Variants in SASH1 observed in about 807,000 individuals in gnomAD.
The protein encoded by SASH1 is SAM and SH3 domain containing 1, also known as SAM and SH3 domain-containing protein 1.
In SASH1, 44 loss-of-function variants were observed where a neutral mutation model predicts 125.2. That is an observed-to-expected ratio of 0.35 (90% CI 0.28 to 0.45). The LOEUF (loss-of-function observed/expected upper bound fraction) is 0.45, where lower values mean the gene tolerates loss of function less well. Among genes scored for constraint, SASH1 ranks in the 20% least tolerant of loss-of-function variants. The pLI is 1.00. For missense variants in SASH1, 1,426 were observed against 1,614.5 expected (o/e 0.88, Z 2.00); for synonymous variants, 639 against 649.1 (o/e 0.98, Z 0.24).
At chr6:148,374,499 C>T (rs752393851) in intron 1 of SASH1, among the ~76,000 whole-genome samples, 40 of 152,188 alleles carry the variant, frequency 2.6e-4, no homozygotes, top group Non-Finnish European at 5.0e-4. Flanking sequence ...TTCATTCTCA[C>T]AGTAACTGGG....
chr6:148,341,513 G>A (rs904638438), upstream of SASH1, among the ~76,000 whole-genome samples: 1 of 151,956 alleles, frequency 6.6e-6, no homozygotes, highest in African/African-American at 2.4e-5. Flanking sequence ...TATAAATTTA[G>A]TTACTTTTGA....
At chr6:148,242,837 A>G in the SASH1 span, among the ~76,000 whole-genome samples, 2 of 152,216 alleles carry the variant, frequency 1.3e-5, no homozygotes, top group Non-Finnish European at 2.9e-5. Context: ...AAGCCAAAAA[A>G]GGGAAAATCA....
the SASH1 span, among the ~76,000 whole-genome samples, chr6:148,222,170 T>A: frequency 6.6e-6 from 1 of 152,202 alleles, no homozygotes; most frequent in Non-Finnish European, 1.5e-5. Flanking sequence ...TGTATTCCCA[T>A]GCAATGGAGC....
chr6:148,343,948 G>A (rs1484554549), intron 1 of SASH1, among the ~76,000 whole-genome samples: 1 of 152,076 alleles, frequency 6.6e-6, no homozygotes, highest in Non-Finnish European at 1.5e-5. Context: ...AGATGGGCGA[G>A]GTTTATTACA....
the SASH1 span, among the ~76,000 whole-genome samples, chr6:148,198,822 GT>G: frequency 6.6e-6 from 1 of 152,122 alleles, no homozygotes; most frequent in East Asian, 1.9e-4. Flanking sequence ...TCCAGGGACA[GT>G]TTTGTTTTGT....
intron 2 of SASH1, among the ~76,000 whole-genome samples, chr6:148,407,044 G>GT (rs1374429741): frequency 6.6e-6 from 1 of 152,000 alleles, no homozygotes; most frequent in Non-Finnish European, 1.5e-5. Flanking sequence ...TATTATTTTA[G>GT]TTTTTTAAAA....
the SASH1 span, among the ~76,000 whole-genome samples, chr6:148,246,399 A>G: frequency 1.3e-5 from 2 of 152,228 alleles, no homozygotes; most frequent in African/African-American, 4.8e-5. Context: ...GCTTTAAAAC[A>G]AACAGTAGAC....
Position 148,390,152 on chromosome 6 carries a change from A to T in SASH1, c.175A>T (p.Ile59Phe). 6.2e-7 allele frequency: 1 copy of T among 1,613,476 alleles called. No individual in the cohort carries two copies. The highest frequency in any genetic ancestry group is 8.5e-7 in the Non-Finnish European group (1 of 1,179,678). Residue 59 changes from isoleucine to phenylalanine, a missense_variant, in exon 2 of 20, where the codon ATC (isoleucine) becomes TTC (phenylalanine). Ile to Phe is a conservative substitution (Grantham distance 21). This residue lies in a region of SASH1 where 567 missense variants were observed against 575.6 expected (regional missense o/e 0.99). Transcript: ENST00000367467. ...CCTTCAGGACGGTTCACTGGGAAAC[A>T]TCGATGACCTGGCGCAGCAGTATGC... ...MGILDGSLGNIDDLAQQYADY... is the reference protein window; with the variant it reads ...MGILDGSLGNFDDLAQQYADY...
chr6:148,234,409 G>A, the SASH1 span, among the ~76,000 whole-genome samples: 2 of 151,584 alleles, frequency 1.3e-5, no homozygotes, highest in Non-Finnish European at 2.9e-5. Context: ...CTGAATATCC[G>A]TATTTGGCTT....
In SASH1 at chr6:148,533,909, A is replaced by G; in HGVS notation, c.1873A>G (p.Arg625Gly). ...EDEEKPKRPT[R>G]RRRKGRPPQP... ...CGAGGAGAAACCCAAACGCCCCACC[A>G]GGAGGCGTCGGAAAGGACGACCACC... The change falls in exon 15 of 20, where the codon AGG becomes GGG. Residue 625 changes from arginine to glycine, a missense_variant. By Grantham distance (125) the Arg-to-Gly change is moderately radical (BLOSUM62 -2). Around this residue, in one of 3 missense-constraint regions of SASH1, gnomAD observed 225 missense variants for 344.5 expected, o/e 0.65. Coordinates refer to ENST00000367467, the MANE Select transcript of SASH1 (RefSeq NM_015278.5). The surrounding 1 kb of genome is among the most constrained non-coding windows in gnomAD (Gnocchi z 6.2). The G allele has an allele frequency of 6.2e-7, 1 of 1,614,034 alleles. No homozygotes were observed. Among genetic ancestry groups the G allele is most frequent in the Non-Finnish European group, 8.5e-7 (1 of 1,179,926 alleles).
At chr6:148,541,378 A>G (rs1782207389) in intron 17 of SASH1, among the ~76,000 whole-genome samples, 1 of 151,866 alleles carries the variant, frequency 6.6e-6, no homozygotes, top group South Asian at 2.1e-4. Context: ...AGGTCATGAA[A>G]GCAGTTTAGT....
chr6:148,504,074 T>C (rs1300203064), intron 8 of SASH1, among the ~76,000 whole-genome samples: 1 of 152,140 alleles, frequency 6.6e-6, no homozygotes. Context: ...CCAATATATG[T>C]GTGAAGTCCT....
intron 1 of SASH1, among the ~76,000 whole-genome samples, chr6:148,371,410 G>A (rs1424968897): frequency 6.6e-6 from 1 of 151,564 alleles, no homozygotes; most frequent in East Asian, 1.9e-4. Context: ...GCACCCGCCA[G>A]TACACCTAGC....
intron 1 of SASH1, among the ~76,000 whole-genome samples, chr6:148,345,524 T>C (rs1781493898): frequency 6.6e-6 from 1 of 152,170 alleles, no homozygotes; most frequent in Non-Finnish European, 1.5e-5. Flanking sequence ...GATTGTTCCT[T>C]AGTAAAATTC....
chr6:148,425,281 T>G (rs2114958615), intron 2 of SASH1, among the ~76,000 whole-genome samples: 1 of 152,312 alleles, frequency 6.6e-6, no homozygotes, highest in East Asian at 1.9e-4. Flanking sequence ...TTAAACTAGA[T>G]TTAAAATCTG....
At chr6:148,381,097 G>C (rs1293156579) in intron 1 of SASH1, among the ~76,000 whole-genome samples, 1 of 152,184 alleles carries the variant, frequency 6.6e-6, no homozygotes, top group African/African-American at 2.4e-5. Context: ...GAAAATCACT[G>C]TGCTGTGCAG....
At chr6:148,222,778 A>ATCTC in the SASH1 span, among the ~76,000 whole-genome samples, 3,758 of 146,814 alleles carry the variant, frequency 0.026, 69 homozygotes, top group Non-Finnish European at 0.04. Flanking sequence ...TTCCCCTTCG[A>ATCTC]TCTCTCTCTC....
Position 148,544,742 on chromosome 6 carries a change from T to C in SASH1, c.3272T>C (p.Val1091Ala), listed in dbSNP as rs747503307. 1 of 1,606,270 alleles carries C rather than the reference T, an allele frequency of 6.2e-7. No homozygotes were observed. The highest frequency in any genetic ancestry group is 1.7e-5 in the Admixed American group (1 of 58,744). ...AGGAAGGTCTCCTGTGCCCGGGGAGTGGATCTAGAAACGCTCACTGAAAAC... is the reference window on the plus strand; with the variant it reads ...AGGAAGGTCTCCTGTGCCCGGGGAGCGGATCTAGAAACGCTCACTGAAAAC... ...LTRKVSCARG[V>A]DLETLTENKL... Residue 1091 changes from valine (V) to alanine (A), a missense_variant, in exon 18 of 20, where the codon GTG becomes GCG. Val to Ala is a moderately conservative substitution (Grantham distance 64). Transcript: ENST00000367467. This position sits in a 1 kb window ranked among gnomAD's most constrained non-coding sequence, Gnocchi z 6.4.
chr6:148,323,409 T>C (rs564100175), intron 1 of SASH1, among the ~76,000 whole-genome samples: 7 of 152,338 alleles, frequency 4.6e-5, no homozygotes, highest in Admixed American at 1.3e-4. Context: ...TGTACTTTTT[T>C]AAAGTGTCAC....
Sources: allele counts gnomAD v4.1 joint callset (sites outside exome capture counted in the v4.1 genomes callset), GRCh38; gene constraint gnomAD v4.1.1; regional missense constraint gnomAD v4.1.1; non-coding constraint Gnocchi (gnomAD v3.1); transcripts MANE v1.5; gene names NCBI Gene and HGNC (gene_info 2026-07-23, HGNC 2026-07-21).